The following SPAM1 variants were observed in gnomAD, a reference collection of about 807,000 sequenced individuals.
SPAM1 encodes the protein hyaluronidase PH-20.
A neutral mutation model predicts 29.6 loss-of-function variants in SPAM1; 22 were observed. The ratio of observed to expected loss-of-function variants is 0.74; its 90% confidence interval spans 0.53 to 1.06. The LOEUF (loss-of-function observed/expected upper bound fraction) is 1.06, where lower values mean the gene tolerates loss of function less well. Among genes scored for constraint, SPAM1 ranks in the 50% least tolerant of loss-of-function variants. The pLI is 0.00. For missense variants in SPAM1, 534 were observed against 604.0 expected (o/e 0.88, Z 1.21); for synonymous variants, 194 against 204.6 (o/e 0.95, Z 0.44).
At position 123,959,538 on chromosome 7, in the gene SPAM1, AT is replaced by A; in HGVS notation, c.1100del (p.Ile367ThrfsTer5). 2 of 1,612,924 alleles carry A rather than the reference AT, an allele frequency of 1.2e-6. No homozygotes were observed. The highest frequency in any genetic ancestry group is 1.7e-6 in the Non-Finnish European group (2 of 1,179,398). On this transcript the variant is annotated frameshift_variant, in exon 5 of 5. Coordinates refer to ENST00000682466, the MANE Select transcript of SPAM1 (RefSeq NM_153189.3). LOFTEE classifies it low-confidence loss of function (END_TRUNC). ...YMETILNPYI[I>X]NVTLAAKMCS... ...GGAGACTATACTGAATCCTTACATA[AT>A]CAACGTCACACTAGCAGCCAAAATG...
intron 5 of SPAM1, among the ~76,000 whole-genome samples, chr7:123,968,681 A>G (rs1487565810): frequency 3.3e-5 from 5 of 151,870 alleles, no homozygotes; most frequent in Non-Finnish European, 7.4e-5. Context: ...TAATAGAGAG[A>G]GATAGTATGT....
intron 4 of SPAM1, among the ~76,000 whole-genome samples, chr7:123,956,058 C>T (rs1792242853): frequency 6.6e-6 from 1 of 151,948 alleles, no homozygotes; most frequent in African/African-American, 2.4e-5. Flanking sequence ...TCCACTCTTA[C>T]TCTGAGGAGG....
intron 6 of SPAM1, among the ~76,000 whole-genome samples, chr7:123,970,608 A>AATAATAATAATAATAATAATT (rs376690940): frequency 4.2e-4 from 62 of 147,268 alleles, no homozygotes; most frequent in African/African-American, 1.4e-3. Flanking sequence ...TAATAATAAT[A>AATAATAATAATAATAATAATT]ATTATTATTA....
In SPAM1 at chr7:123,934,346, T is replaced by C. The variant is rs542135085; in HGVS notation, c.-319+8994T>C. ...TATCAAAAAGACACAAAATAACAAA[T>C]GCTGGTGAGGATATGGAGAAAAGAG... On this transcript the variant is annotated intron_variant, in intron 1 of 4. Coordinates refer to ENST00000682466, the MANE Select transcript of SPAM1 (RefSeq NM_153189.3). 2.0e-5 allele frequency among the ~76,000 whole-genome samples: 3 copies of C among 152,198 alleles called. No homozygotes were observed. The East Asian group carries it at 5.8e-4, about 29-fold the overall frequency.
chr7:123,946,241 A>G (rs1808572405), intron 1 of SPAM1, among the ~76,000 whole-genome samples: 1 of 152,188 alleles, frequency 6.6e-6, no homozygotes, highest in African/African-American at 2.4e-5. Flanking sequence ...AAACTCAGAA[A>G]AAGAGTTGCA....
chr7:123,955,049 T>C lies in SPAM1; in HGVS notation c.1007T>C (p.Ile336Thr). Reference sequence around the variant, plus strand: ...ACTGTTGCTCTGGGTGCTTCTGGAATTGTAATATGGGGAACCCTCAGTATA... The same window carrying C: ...ACTGTTGCTCTGGGTGCTTCTGGAACTGTAATATGGGGAACCCTCAGTATA... ...GETVALGASG[I>T]VIWGTLSIMR... The change falls in exon 4 of 5, where the codon ATT becomes ACT. Residue 336 changes from isoleucine to threonine, a missense_variant. By Grantham distance (89) the Ile-to-Thr change is moderately conservative. Transcript: ENST00000682466. The C allele has an allele frequency of 6.2e-7, 1 of 1,611,574 alleles. No homozygotes were observed. Among genetic ancestry groups the C allele is most frequent in the South Asian group, 1.1e-5 (1 of 91,026 alleles).
At chr7:123,951,780 C>T (rs1483912220) in intron 2 of SPAM1, among the ~76,000 whole-genome samples, 1 of 152,042 alleles carries the variant, frequency 6.6e-6, no homozygotes, top group African/African-American at 2.4e-5. Context: ...TACCACCATG[C>T]TTGGCTAATT....
intron 1 of SPAM1, among the ~76,000 whole-genome samples, chr7:123,941,767 T>G (rs73226196): frequency 0.032 from 4,824 of 152,318 alleles, 99 homozygotes; most frequent in Middle Eastern, 0.085. Context: ...TTATTTTTCT[T>G]TCACATTCTC....
At chr7:123,961,225 A>C (rs1487653237), downstream of SPAM1, among the ~76,000 whole-genome samples, 12 of 151,996 alleles carry the variant, frequency 7.9e-5, no homozygotes, top group East Asian at 2.3e-3. Flanking sequence ...GTTATTGCTA[A>C]TTATAGTCAC....
In SPAM1 at chr7:123,954,088, A is replaced by G; in HGVS notation, c.518A>G (p.Gln173Arg). 6.2e-7 allele frequency: 1 copy of G among 1,613,274 alleles called. No individual in the cohort carries two copies. Among genetic ancestry groups the G allele is most frequent in the Non-Finnish European group, 8.5e-7 (1 of 1,179,684 alleles). ...VYKNRSIELV[Q>R]QQNVQLSLTE... ...AAGAATAGGTCTATTGAATTGGTTCAGCAACAAAATGTACAACTTAGTCTC... is the reference window on the plus strand; with the variant it reads ...AAGAATAGGTCTATTGAATTGGTTCGGCAACAAAATGTACAACTTAGTCTC... Residue 173 changes from glutamine to arginine, a missense_variant, in exon 3 of 5, where the codon CAG becomes CGG. Physicochemically the swap from Gln to Arg is conservative, Grantham distance 43 (BLOSUM62 1). Coordinates refer to ENST00000682466, the MANE Select transcript of SPAM1 (RefSeq NM_153189.3).
At chr7:123,943,605 T>G (rs1466924062) in intron 1 of SPAM1, among the ~76,000 whole-genome samples, 2 of 152,192 alleles carry the variant, frequency 1.3e-5, no homozygotes, top group African/African-American at 4.8e-5. Context: ...ACTTCCTGTA[T>G]GATTTTATTA....
intron 3 of SPAM1, 114 bp downstream of exon 3, chr7:123,954,638 G>A (rs1584959609): frequency 7.4e-6 from 5 of 677,790 alleles, no homozygotes; most frequent in South Asian, 2.0e-5. Flanking sequence ...AGTCAGGAAT[G>A]TGTACACAAG....
intron 1 of SPAM1, among the ~76,000 whole-genome samples, chr7:123,932,698 G>A (rs755091940): frequency 1.1e-4 from 16 of 152,176 alleles, no homozygotes; most frequent in African/African-American, 3.1e-4. Context: ...CAAAGAACTC[G>A]TTCACACAAA....
intron 1 of SPAM1, among the ~76,000 whole-genome samples, chr7:123,933,445 A>G (rs1273665606): frequency 6.6e-6 from 1 of 152,244 alleles, no homozygotes; most frequent in Non-Finnish European, 1.5e-5. Context: ...TAGCAAGCTT[A>G]CATACTTTTA....
chr7:123,932,820 T>A (rs558221460), intron 1 of SPAM1, among the ~76,000 whole-genome samples: 1 of 152,146 alleles, frequency 6.6e-6, no homozygotes, highest in African/African-American at 2.4e-5. Flanking sequence ...GTGGTAAAAA[T>A]GTTTACCTTT....
chr7:123,929,895 ATTTTT>A (rs71163712), intron 1 of SPAM1, among the ~76,000 whole-genome samples: 2 of 119,810 alleles, frequency 1.7e-5, no homozygotes, highest in East Asian at 2.3e-4. Context: ...GTGTTTAGGG[ATTTTT>A]TTTTTTTTTT....
intron 1 of SPAM1, among the ~76,000 whole-genome samples, chr7:123,942,229 T>C (rs1039362108): frequency 6.6e-6 from 1 of 152,190 alleles, no homozygotes; most frequent in African/African-American, 2.4e-5. Context: ...ATAGATTATT[T>C]TGTAGACTGG....
chr7:123,930,889 T>G (rs926573290), intron 1 of SPAM1, among the ~76,000 whole-genome samples: 4 of 152,190 alleles, frequency 2.6e-5, no homozygotes, highest in African/African-American at 9.7e-5. Context: ...CTCGATCCCC[T>G]GTATGGCCTA....
downstream of SPAM1, among the ~76,000 whole-genome samples, chr7:123,964,167 T>A (rs978681236): frequency 1.3e-5 from 2 of 152,024 alleles, no homozygotes; most frequent in Non-Finnish European, 2.9e-5. Flanking sequence ...ACATGTCAAT[T>A]ATCAGAAAAA....
Sources: gnomAD v4.1 joint callset for allele counts (sites outside exome capture counted in the v4.1 genomes callset) on GRCh38, gnomAD v4.1.1 for gene constraint, MANE v1.5 for transcripts, NCBI Gene and HGNC (gene_info 2026-07-23, HGNC 2026-07-21) for gene names.